RFTN1: variants seen among roughly 807,000 people sequenced by gnomAD.
RFTN1 encodes the protein raftlin, lipid raft linker 1, also known as raftlin.
Under a neutral mutation model 46.5 loss-of-function variants are expected in RFTN1, and 26 were observed. That is an observed-to-expected ratio of 0.56 (90% CI 0.41 to 0.78). The LOEUF (loss-of-function observed/expected upper bound fraction) is 0.78, where lower values mean the gene tolerates loss of function less well. RFTN1 is among the 30% of genes least tolerant of loss of function. The pLI, the probability that RFTN1 is intolerant of heterozygous loss-of-function variation, is 0.00. For synonymous variants in RFTN1, 261 were observed against 284.2 expected, an observed-to-expected ratio of 0.92 and a Z score of 0.82; for missense variants, 693 against 718.7, an observed-to-expected ratio of 0.96 and a Z score of 0.41.
chr3:16,373,804 T>A (rs1415931404), intron 5 of RFTN1, among the ~76,000 whole-genome samples: 1 of 151,860 alleles, frequency 6.6e-6, no homozygotes, highest in Non-Finnish European at 1.5e-5. Context: ...GCTGCTGAGG[T>A]CATGGGCAGA....
rs1420708775 is a variant in RFTN1, at chr3:16,407,021, C to A, written c.441+2354G>T. ...ACCCTAACTTTGAGGGCCTTTCCCA[C>A]TGGACAGATGGACATCTCCACTTGG... is the stretch of plus-strand genomic sequence containing the variant. On this transcript the variant is annotated intron_variant, in intron 4 of 9. Transcript: ENST00000334133. The surrounding 1 kb of genome is among the most constrained non-coding windows in gnomAD (Gnocchi z 4.0). Among the ~76,000 whole-genome samples, 2 of 152,192 alleles carry A rather than the reference C, an allele frequency of 1.3e-5. No homozygotes were observed. Among genetic ancestry groups the A allele is most frequent in the Non-Finnish European group, 2.9e-5 (2 of 68,040 alleles).
At position 16,352,534 on chromosome 3, in the gene RFTN1, G is replaced by A. The variant is rs2072171443; in HGVS notation, c.1146+5398C>T. On this transcript the variant is annotated intron_variant, in intron 7 of 9. Coordinates refer to ENST00000334133, the MANE Select transcript of RFTN1 (RefSeq NM_015150.2). The surrounding 1 kb of genome is among the most constrained non-coding windows in gnomAD (Gnocchi z 4.6). ...TATCTTACAAATGCCTTTAATTTTAGGCTGTAGGTTTCCAACCGAGCAAAA... is the reference window on the plus strand; with the variant it reads ...TATCTTACAAATGCCTTTAATTTTAAGCTGTAGGTTTCCAACCGAGCAAAA... 1.3e-5 allele frequency among the ~76,000 whole-genome samples: 2 copies of A among 152,124 alleles called. No individual in the cohort carries two copies. The highest frequency in any genetic ancestry group is 6.5e-5 in the Admixed American group (1 of 15,280).
intron 5 of RFTN1, among the ~76,000 whole-genome samples, chr3:16,372,198 G>A (rs1007017705): frequency 5.3e-5 from 8 of 152,214 alleles, no homozygotes; most frequent in African/African-American, 1.9e-4. Context: ...ACAGGAAGGA[G>A]CTGGAGATGA....
rs1394401167 is a variant in RFTN1 at position 16,459,741 on chromosome 3, A to G, written c.146-25704T>C. Among the ~76,000 whole-genome samples, 2 of 152,194 alleles carry G rather than the reference A, an allele frequency of 1.3e-5. No individual in the cohort carries two copies. Among genetic ancestry groups the G allele is most frequent in the African/African-American group, 2.4e-5 (1 of 41,468 alleles). The stretch of plus-strand genomic sequence containing the variant: ...ATAAGCCATCACTTATATCTAGTCA[A>G]TATCATCATGTTATAGAAAAAAGTT... On this transcript the variant is annotated intron_variant, in intron 2 of 9. Transcript: ENST00000334133. This position sits in a 1 kb window ranked among gnomAD's most constrained non-coding sequence, Gnocchi z 4.2.
intron 2 of RFTN1, among the ~76,000 whole-genome samples, chr3:16,470,714 G>A (rs1397673601): frequency 6.6e-6 from 1 of 152,160 alleles, no homozygotes; most frequent in Non-Finnish European, 1.5e-5. Flanking sequence ...CTGCTTGTTT[G>A]CTAAAGCAAA....
chr3:16,406,997 C>T (rs2074873066), intron 4 of RFTN1, among the ~76,000 whole-genome samples: 1 of 152,124 alleles, frequency 6.6e-6, no homozygotes, highest in Non-Finnish European at 1.5e-5. Flanking sequence ...GGCATAAAAA[C>T]CCTAACTTTG....
At position 16,443,750 on chromosome 3, in the gene RFTN1, A is replaced by AACACACACAC. The variant is rs57242614; in HGVS notation, c.146-9723_146-9714dup. ...CACACATAGTCAATGAATTACACACAACACACACACACACACACACACACA... is the reference window on the plus strand; with the variant it reads ...CACACATAGTCAATGAATTACACACAACACACACACACACACACACACACACACACACACA... On this transcript the variant is annotated intron_variant, in intron 2 of 9. Transcript: ENST00000334133. The surrounding 1 kb of genome is among the most constrained non-coding windows in gnomAD (Gnocchi z 5.5). Among the ~76,000 whole-genome samples the AACACACACAC allele has an allele frequency of 0.034, 5,020 of 145,956 alleles. 110 individuals carry two copies. Among genetic ancestry groups the AACACACACAC allele is most frequent in the Middle Eastern group, 0.051 (15 of 294 alleles).
At chr3:16,378,318 C>A (rs2125378572) in intron 4 of RFTN1, among the ~76,000 whole-genome samples, 1 of 152,322 alleles carries the variant, frequency 6.6e-6, no homozygotes, top group South Asian at 2.1e-4. Flanking sequence ...ACTATATTGT[C>A]TGATGGAAAG....
chr3:16,370,140 C>T lies in RFTN1; in HGVS notation c.966G>A (p.Met322Ile). ...TGCCTCCTTTCCGGAAGTGGTCGCT[C>T]ATGTGCTCTAACCAGTTGGCGTCCA... ...SGLDANWLEH[M>I]SDHFRKGGML... The change falls in exon 6 of 10, where the codon ATG (methionine) becomes ATA (isoleucine). Residue 322 changes from methionine to isoleucine, a missense_variant. Physicochemically the swap from Met to Ile is conservative, Grantham distance 10 (BLOSUM62 1). Transcript: ENST00000334133. This position sits in a 1 kb window ranked among gnomAD's most constrained non-coding sequence, Gnocchi z 5.5. 2.5e-6 allele frequency: 4 copies of T among 1,614,200 alleles called. No individual in the cohort carries two copies. Among genetic ancestry groups the T allele is most frequent in the Non-Finnish European group, 3.4e-6 (4 of 1,180,040 alleles).
At chr3:16,403,780 T>TA (rs1559326892) in intron 4 of RFTN1, among the ~76,000 whole-genome samples, 1 of 11,172 alleles carries the variant, frequency 9.0e-5, no homozygotes, top group Non-Finnish European at 1.3e-4. Flanking sequence ...ATAATATATA[T>TA]TATATATTTT....
chr3:16,510,219 C>T (rs2076873050), intron 1 of RFTN1, among the ~76,000 whole-genome samples: 1 of 152,226 alleles, frequency 6.6e-6, no homozygotes, highest in Admixed American at 6.5e-5. Context: ...ATAAACACAA[C>T]CCCTTTCAGT....
intron 1 of RFTN1, among the ~76,000 whole-genome samples, chr3:16,503,190 T>G (rs1297913199): frequency 1.3e-5 from 2 of 152,114 alleles, no homozygotes; most frequent in Non-Finnish European, 2.9e-5. Flanking sequence ...CACCCTTCGC[T>G]AAAAATAGCT....
chr3:16,455,692 G>C (rs2075893484), intron 2 of RFTN1, among the ~76,000 whole-genome samples: 1 of 152,172 alleles, frequency 6.6e-6, no homozygotes, highest in Non-Finnish European at 1.5e-5. Context: ...AGGACTCAGA[G>C]ACACTCTCTT....
intron 4 of RFTN1, among the ~76,000 whole-genome samples, chr3:16,393,538 A>G (rs547910975): frequency 9.2e-5 from 14 of 152,318 alleles, no homozygotes; most frequent in Non-Finnish European, 1.9e-4. Flanking sequence ...TACGTTCAAG[A>G]TCTCTCACAA....
rs532615476 is a variant in RFTN1 at position 16,381,855 on chromosome 3, A to G, written c.442-3753T>C. 2.0e-5 allele frequency among the ~76,000 whole-genome samples: 3 copies of G among 152,244 alleles called. No individual in the cohort carries two copies. The South Asian group carries it at 6.2e-4, about 32-fold the overall frequency. On this transcript the variant is annotated intron_variant, in intron 4 of 9. Transcript: ENST00000334133. The surrounding 1 kb of genome is among the most constrained non-coding windows in gnomAD (Gnocchi z 4.2). ...ATATGGCCTTGGATCCATGCCCGCA[A>G]AGGCTCTCAGTTCACCCTGCAGGCC...
intron 3 of RFTN1, among the ~76,000 whole-genome samples, chr3:16,423,111 T>C (rs1281021719): frequency 6.6e-6 from 1 of 151,116 alleles, no homozygotes; most frequent in African/African-American, 2.4e-5. Flanking sequence ...GAGCTTGCAG[T>C]GAACCAAGAT....
intron 1 of RFTN1, among the ~76,000 whole-genome samples, chr3:16,508,030 A>G (rs967962676): frequency 8.5e-5 from 13 of 152,198 alleles, no homozygotes; most frequent in African/African-American, 2.7e-4. Context: ...GAAACCTCCA[A>G]TACGGGATCT....
At position 16,384,028 on chromosome 3, in the gene RFTN1, G is replaced by A. The variant is rs754517157; in HGVS notation, c.442-5926C>T. On this transcript the variant is annotated intron_variant, in intron 4 of 9. Transcript: ENST00000334133. This position sits in a 1 kb window ranked among gnomAD's most constrained non-coding sequence, Gnocchi z 4.7. ...TAACATTTACTATCAGTTGACTTTC[G>A]GTAAAGTGGATTCCTCCATTATTAG... 5.3e-5 allele frequency among the ~76,000 whole-genome samples: 8 copies of A among 152,298 alleles called. No homozygotes were observed. Among genetic ancestry groups the A allele is most frequent in the South Asian group, 2.1e-4 (1 of 4,820 alleles).
In RFTN1 at chr3:16,377,945, A is replaced by G. The variant is rs770701466; in HGVS notation, c.599T>C (p.Leu200Pro). 1 of 1,614,116 alleles carries G rather than the reference A, an allele frequency of 6.2e-7. No homozygotes were observed. Among genetic ancestry groups the G allele is most frequent in the Non-Finnish European group, 8.5e-7 (1 of 1,180,014 alleles). Residue 200 changes from leucine (L) to proline (P), a missense_variant, in exon 5 of 10, where the codon CTG becomes CCG. Transcript: ENST00000334133. ...CCCAGTCCCCGGTTTCTCATTCTCC[A>G]GTGACGCGTGATCCCCACGTGCGTT... ...AKNARGDHAS[L>P]ENEKPGTGDV... is the part of the protein sequence containing the mutation.
Sources: allele counts gnomAD v4.1 joint callset (sites outside exome capture counted in the v4.1 genomes callset), GRCh38; gene constraint gnomAD v4.1.1; non-coding constraint Gnocchi (gnomAD v3.1); transcripts MANE v1.5; gene names NCBI Gene and HGNC (gene_info 2026-07-23, HGNC 2026-07-21).